Variants in CXXC5 observed in about 807,000 individuals in gnomAD.
CXXC5 encodes CXXC-type zinc finger protein 5.
CXXC5 carries 2 observed loss-of-function variants against 17.6 expected under a neutral mutation model. The ratio of observed to expected loss-of-function variants is 0.11; its 90% CI spans 0.05 to 0.36. CXXC5 has a LOEUF of 0.36. Among genes scored for constraint, CXXC5 ranks in the 10% least tolerant of loss-of-function variants. The probability of loss-of-function intolerance (pLI) is 1.00; values close to 1 mark genes in which losing one functional copy is unlikely to be tolerated. For synonymous variants in CXXC5, 171 were observed against 193.0 expected (o/e 0.89, Z 0.94); for missense variants, 343 against 458.3 (o/e 0.75, Z 2.30).
At chr5:139,649,994 G>T (rs1329873002) in intron 1 of CXXC5, among the ~76,000 whole-genome samples, 1 of 152,254 alleles carries the variant, frequency 6.6e-6, no homozygotes, top group Admixed American at 6.5e-5. Context: ...GACGGAAAGC[G>T]AGTGACCCCG....
intron 2 of CXXC5, among the ~76,000 whole-genome samples, chr5:139,682,609 ACTT>A (rs770870082): frequency 2.6e-5 from 4 of 152,288 alleles, no homozygotes; most frequent in South Asian, 4.1e-4. Flanking sequence ...AGGGGAAGGG[ACTT>A]CTTCTCTGGA....
chr5:139,647,623 T>C (rs1268210078), upstream of CXXC5, among the ~76,000 whole-genome samples: 2 of 152,106 alleles, frequency 1.3e-5, no homozygotes, highest in Admixed American at 6.5e-5. Flanking sequence ...GTTCCAAGCA[T>C]TGTTTCGGGT....
chr5:139,675,433 C>G (rs187370901), intron 1 of CXXC5: 1 of 152,302 alleles, frequency 6.6e-6, no homozygotes, highest in African/African-American at 2.4e-5. Context: ...TATGATGTCA[C>G]TGGCTTAGCA....
chr5:139,682,597 C>A (rs1480351188), intron 2 of CXXC5, among the ~76,000 whole-genome samples: 1 of 152,220 alleles, frequency 6.6e-6, no homozygotes, highest in Non-Finnish European at 1.5e-5. Context: ...TGCCTTTGGG[C>A]CAGGGGAAGG....
upstream of CXXC5, chr5:139,648,193 A>G (rs1268841263): frequency 1.4e-5 from 2 of 145,542 alleles, no homozygotes; most frequent in African/African-American, 2.5e-5. Context: ...CGCGGCGTCC[A>G]AGTGGCCCGA....
chr5:139,653,963 G>T (rs2126743681), intron 1 of CXXC5, among the ~76,000 whole-genome samples: 1 of 152,248 alleles, frequency 6.6e-6, no homozygotes, highest in African/African-American at 2.4e-5. Context: ...GAACCCTGGG[G>T]ACCAACAAGA....
At chr5:139,653,055 ATGTGTGTGTAGCATGGAG>A (rs1755296342) in intron 1 of CXXC5, among the ~76,000 whole-genome samples, 1 of 151,948 alleles carries the variant, frequency 6.6e-6, no homozygotes, top group Non-Finnish European at 1.5e-5. Flanking sequence ...GAGGCCCTGA[ATGTGTGTGTAGCATGGAG>A]TGTGTGTGTG....
At chr5:139,648,246 A>G (rs1215737550), upstream of CXXC5, 1 of 17,518 alleles carries the variant, frequency 5.7e-5, no homozygotes, top group Non-Finnish European at 1.2e-4. Flanking sequence ...AGGGGAGCCG[A>G]GGTGGAGGGG....
upstream of CXXC5, chr5:139,647,365 G>C (rs1200494904): frequency 6.6e-6 from 1 of 152,120 alleles, no homozygotes; most frequent in Non-Finnish European, 1.5e-5. Context: ...GAATCCCAAA[G>C]AATTGGAGAA....
chr5:139,652,161 C>CGTGTGTGTGTGTGT (rs1485366571), intron 1 of CXXC5, among the ~76,000 whole-genome samples: 2 of 126,386 alleles, frequency 1.6e-5, no homozygotes, highest in Admixed American at 7.5e-5. Context: ...CGCGCGCGCG[C>CGTGTGTGTGTGTGT]GCGCGCGCGC....
rs1399423104 is a variant in CXXC5 at position 139,658,221 on chromosome 5, G to A, written c.-161+9376G>A. ...TTCTTCCTGGGGCGGTCAGATCTTG[G>A]TGGCCTAGAATTTCTTAGTCATGGG... On this transcript the variant is annotated intron_variant, in intron 1 of 2. Transcript: ENST00000302517. This position sits in a 1 kb window ranked among gnomAD's most constrained non-coding sequence, Gnocchi z 4.1. 6.6e-6 allele frequency among the ~76,000 whole-genome samples: 1 copy of A among 152,168 alleles called. No homozygotes were observed. The highest frequency in any genetic ancestry group is 1.5e-5 in the Non-Finnish European group (1 of 68,034).
chr5:139,650,515 C>A (rs1402006770), intron 1 of CXXC5, among the ~76,000 whole-genome samples: 1 of 152,228 alleles, frequency 6.6e-6, no homozygotes, highest in Non-Finnish European at 1.5e-5. Context: ...GAGTCCCTTT[C>A]AAGTTTTCCG....
At chr5:139,671,268 GCTCTGT>G (rs1756452064) in intron 1 of CXXC5, among the ~76,000 whole-genome samples, 1 of 152,178 alleles carries the variant, frequency 6.6e-6, no homozygotes, top group Non-Finnish European at 1.5e-5. Flanking sequence ...GGTGACCTCA[GCTCTGT>G]CTCTGGGTCC....
intron 1 of CXXC5, among the ~76,000 whole-genome samples, chr5:139,673,053 A>G (rs550135218): frequency 6.6e-6 from 1 of 152,190 alleles, no homozygotes; most frequent in Non-Finnish European, 1.5e-5. Context: ...CTGATTTCTG[A>G]TTGGTGTCAG....
chr5:139,647,718 G>A (rs1449788497), upstream of CXXC5, among the ~76,000 whole-genome samples: 1 of 152,212 alleles, frequency 6.6e-6, no homozygotes, highest in South Asian at 2.1e-4. Flanking sequence ...GCTGATGCCT[G>A]CCTGAGAGAT....
intron 1 of CXXC5, among the ~76,000 whole-genome samples, chr5:139,674,328 A>G (rs1233397213): frequency 6.6e-6 from 1 of 152,148 alleles, no homozygotes; most frequent in Non-Finnish European, 1.5e-5. Flanking sequence ...TTTGCCCACC[A>G]TCAGCCTGTC....
At chr5:139,674,390 T>TG (rs1031538754) in intron 1 of CXXC5, among the ~76,000 whole-genome samples, 27 of 151,698 alleles carry the variant, frequency 1.8e-4, no homozygotes, top group Admixed American at 4.6e-4. Context: ...CCCACCAAGG[T>TG]GGGGGGGAGG....
In CXXC5 at chr5:139,680,687, C is replaced by A. The variant is rs777304436; in HGVS notation, c.164C>A (p.Pro55His). Residue 55 changes from proline to histidine, a missense_variant, in exon 2 of 3, where the codon CCC (proline) becomes CAC (histidine). This residue lies in a region of CXXC5 where 297 missense variants were observed against 363.4 expected (regional missense o/e 0.82). Transcript: ENST00000302517. Reference protein sequence around the residue: ...APASVADDTPPPERRNKSGII... With the variant: ...APASVADDTPHPERRNKSGII... ...GCCTCAGTGGCAGATGACACACCAC[C>A]CCCCGAGCGTCGGAACAAGAGCGGT... 5 of 1,613,248 alleles carry A rather than the reference C, an allele frequency of 3.1e-6. No individual in the cohort carries two copies. The East Asian group carries it at 8.9e-5, about 29-fold the overall frequency.
At chr5:139,652,650 A>G (rs1209755076) in intron 1 of CXXC5, among the ~76,000 whole-genome samples, 1 of 152,186 alleles carries the variant, frequency 6.6e-6, no homozygotes, top group African/African-American at 2.4e-5. Flanking sequence ...CTGAACATAC[A>G]TGGATTTATG....
Sources: gnomAD v4.1 joint callset for allele counts (sites outside exome capture counted in the v4.1 genomes callset) on GRCh38, gnomAD v4.1.1 for gene constraint, gnomAD v4.1.1 regional missense constraint, Gnocchi (gnomAD v3.1) non-coding constraint, MANE v1.5 for transcripts, NCBI Gene and HGNC (gene_info 2026-07-23, HGNC 2026-07-21) for gene names.